The following LGALS1 variants were observed in gnomAD, a reference collection of about 807,000 sequenced individuals.
LGALS1 encodes the protein galectin-1.
In LGALS1, 14 loss-of-function variants were observed where a neutral mutation model predicts 14.4. The ratio of observed to expected loss-of-function variants is 0.97; its 90% CI spans 0.64 to 1.52. LGALS1 has a LOEUF of 1.52. Among genes scored for constraint, LGALS1 ranks in the 40% most tolerant of loss-of-function variants. LGALS1 has a pLI of 0.00. For synonymous variants in LGALS1, 71 were observed against 73.4 expected (o/e 0.97, Z 0.17); for missense variants, 170 against 181.4 (o/e 0.94, Z 0.36).
chr22:37,676,916 C>T (rs763528203), intron 1 of LGALS1, 70 bp from the exon 2 acceptor site: 1 of 1,543,930 alleles, frequency 6.5e-7, no homozygotes, highest in Admixed American at 1.7e-5. Flanking sequence ...CACCCCCAGC[C>T]ACCCCCGGAC....
At chr22:37,678,695 G>A in intron 3 of LGALS1, 41 bp downstream of exon 3, 1 of 1,475,782 alleles carries the variant, frequency 6.8e-7, no homozygotes, top group Non-Finnish European at 9.1e-7. Flanking sequence ...GACAGGGGCT[G>A]GGTGGGCTGG....
intron 2 of LGALS1, among the ~76,000 whole-genome samples, chr22:37,678,039 G>T (rs570510197): frequency 1.8e-4 from 27 of 152,188 alleles, no homozygotes; most frequent in Admixed American, 1.6e-3. Flanking sequence ...CGCTCGCCTC[G>T]GCCTCCCAAA....
In LGALS1 at chr22:37,678,620, CTG is replaced by C; in HGVS notation, c.229_230del (p.Val77LeufsTer47). On this transcript the variant is annotated frameshift_variant, in exon 3 of 4. Coordinates refer to ENST00000215909, the MANE Select transcript of LGALS1 (RefSeq NM_002305.4). LOFTEE classifies it high-confidence loss of function. ...GCCTGGGGGACCGAGCAGCGGGAGG[CTG>C]TCTTTCCCTTCCAGCCTGGAAGTGT... 6 of 1,444,998 alleles carry C rather than the reference CTG, an allele frequency of 4.2e-6. No individual in the cohort carries two copies. The highest frequency in any genetic ancestry group is 5.6e-6 in the Non-Finnish European group (6 of 1,073,086). The allele number at this position is 1,444,998 out of a possible 1,614,324, so 89.5% of individuals were successfully genotyped here.
In LGALS1 at chr22:37,675,732, C is replaced by A. The variant is rs201722376; in HGVS notation, c.9+21C>A. On this transcript the variant is annotated intron_variant, in intron 1 of 3. Transcript: ENST00000215909. ...CTTGTGTGAGTGTGGGGACCCCCCCCCAAGGTCCAGGGGATAGGGCAGGAA... is the reference window on the plus strand; with the variant it reads ...CTTGTGTGAGTGTGGGGACCCCCCCACAAGGTCCAGGGGATAGGGCAGGAA... 171 of 1,538,688 alleles carry A rather than the reference C, an allele frequency of 1.1e-4. 2 individuals are homozygous for A. The highest frequency in any genetic ancestry group is 2.0e-4 in the Admixed American group (10 of 49,738).
In LGALS1 at chr22:37,675,636, A is replaced by ATC; in HGVS notation, c.-60_-59dup. The ATC allele has an allele frequency of 6.5e-7, 1 of 1,534,350 alleles. No individual in the cohort carries two copies. Among genetic ancestry groups the ATC allele is most frequent in the Non-Finnish European group, 8.8e-7 (1 of 1,136,448 alleles). ...AAAGGGTGGGAGCGTCCGGGGGCCC[A>ATC]TCTCTCTCGGGTGGAGTCTTCTGAC... On this transcript the variant is annotated 5_prime_UTR_variant, in exon 1 of 4. Coordinates refer to ENST00000215909, the MANE Select transcript of LGALS1 (RefSeq NM_002305.4).
chr22:37,676,909 C>CCCCA, intron 1 of LGALS1, 77 bp from the exon 2 acceptor site: 1 of 1,504,712 alleles, frequency 6.6e-7, no homozygotes, highest in Non-Finnish European at 9.2e-7. Flanking sequence ...CCACTCCCAC[C>CCCCA]CCCAGCCACC....
intron 3 of LGALS1, 25 bp downstream of exon 3, chr22:37,678,679 A>T (rs776897879): frequency 1.1e-5 from 5 of 469,550 alleles, no homozygotes; most frequent in Non-Finnish European, 2.0e-5. Flanking sequence ...GGAACCGGGG[A>T]CCAGGGACAG....
chr22:37,679,596 C>T lies in LGALS1; in HGVS notation c.262-7C>T. The T allele has an allele frequency of 6.3e-7, 1 of 1,599,682 alleles. No homozygotes were observed. Among genetic ancestry groups the T allele is most frequent in the Non-Finnish European group, 8.5e-7 (1 of 1,173,822 alleles). The stretch of plus-strand genomic sequence containing the variant: ...GGGCCCGGCTCACTGCTCTCCTCTA[C>T]CCCCAGGTGTGCATCACCTTCGACC... On this transcript the variant is annotated splice_polypyrimidine_tract_variant and splice_region_variant and intron_variant, in intron 3 of 3. Transcript: ENST00000215909.
At chr22:37,676,838 G>A (rs1169205574) in intron 1 of LGALS1, 148 bp from the exon 2 acceptor site, 1 of 793,808 alleles carries the variant, frequency 1.3e-6, no homozygotes, top group Non-Finnish European at 2.2e-6. Context: ...GGAAATTACA[G>A]CTCAATCCTT....
chr22:37,678,753 C>T, intron 3 of LGALS1, 99 bp downstream of exon 3: 1 of 1,223,790 alleles, frequency 8.2e-7, no homozygotes, highest in South Asian at 1.5e-5. Context: ...CCTGCTCTTT[C>T]CCCTCCCCTT....
intron 2 of LGALS1, 126 bp from the exon 3 acceptor site, chr22:37,678,357 G>T: frequency 9.7e-7 from 1 of 1,036,020 alleles, no homozygotes; most frequent in Non-Finnish European, 1.5e-6. Context: ...CTAGAATCCA[G>T]GTTTCTTGTC....
At chr22:37,679,446 C>A (rs149970912) in intron 3 of LGALS1, among the ~76,000 whole-genome samples, 157 bp from the exon 4 acceptor site, 358 of 151,476 alleles carry the variant, frequency 2.4e-3, no homozygotes, top group African/African-American at 8.3e-3. Flanking sequence ...AAAAAAAAAT[C>A]TATCATAGGA....
Position 37,677,020 on chromosome 22 carries a change from G to A in LGALS1, c.44G>A (p.Gly15Glu). The change falls in exon 2 of 4, where the codon GGA (glycine) becomes GAA (glutamate). Residue 15 changes from glycine (G) to glutamate (E), a missense_variant. Coordinates refer to ENST00000215909, the MANE Select transcript of LGALS1 (RefSeq NM_002305.4). ...GCCAGCAACCTGAATCTCAAACCTG[G>A]AGAGTGCCTTCGAGTGCGAGGCGAG... is the stretch of plus-strand genomic sequence containing the variant. ...LVASNLNLKP[G>E]ECLRVRGEVA... The A allele has an allele frequency of 1.2e-6, 2 of 1,614,114 alleles. No homozygotes were observed. Among genetic ancestry groups the A allele is most frequent in the Non-Finnish European group, 1.7e-6 (2 of 1,180,020 alleles).
intron 2 of LGALS1, 89 bp downstream of exon 2, chr22:37,677,154 G>A (rs994795865): frequency 3.1e-6 from 4 of 1,296,190 alleles, no homozygotes; most frequent in South Asian, 1.3e-5. Flanking sequence ...TCTCCTCCCT[G>A]GCCGGGAGCG....
Position 37,678,472 on chromosome 22 carries a change from T to C in LGALS1, c.90-11T>C. On this transcript the variant is annotated splice_polypyrimidine_tract_variant and intron_variant, in intron 2 of 3. Coordinates refer to ENST00000215909, the MANE Select transcript of LGALS1 (RefSeq NM_002305.4). ...GCCGAGGTGGCCTCATGCCCACCCG[T>C]TACCCCCCAGCTTCGTGCTGAACCT... 2 of 1,613,344 alleles carry C rather than the reference T, an allele frequency of 1.2e-6. No homozygotes were observed. Among genetic ancestry groups the C allele is most frequent in the Non-Finnish European group, 1.7e-6 (2 of 1,179,972 alleles).
Position 37,677,070 on chromosome 22 carries a change from G to C in LGALS1, c.89+5G>C, listed in dbSNP as rs751713527. 6.2e-7 allele frequency: 1 copy of C among 1,613,708 alleles called. No homozygotes were observed. The highest frequency in any genetic ancestry group is 8.5e-7 in the Non-Finnish European group (1 of 1,179,848). ...GGTGGCTCCTGACGCTAAGAGGTGA[G>C]AAGTGAAGTCGGGGTGGTGGGCGGC... On this transcript the variant is annotated splice_donor_5th_base_variant and intron_variant, in intron 2 of 3. Coordinates refer to ENST00000215909, the MANE Select transcript of LGALS1 (RefSeq NM_002305.4).
Position 37,678,535 on chromosome 22 carries a change from C to T in LGALS1, c.142C>T (p.Pro48Ser). ...CAACAACCTGTGCCTGCACTTCAAC[C>T]CTCGCTTCAACGCCCACGGCGACGC... ...DSNNLCLHFN[P>S]RFNAHGDANT... The change falls in exon 3 of 4, where the codon CCT becomes TCT. Residue 48 changes from proline (P) to serine (S), a missense_variant. Transcript: ENST00000215909. 1 of 1,613,658 alleles carries T rather than the reference C, an allele frequency of 6.2e-7. No homozygotes were observed. The highest frequency in any genetic ancestry group is 1.7e-5 in the Admixed American group (1 of 60,026).
Position 37,679,767 on chromosome 22 carries a change from C to T in LGALS1, c.*18C>T, listed in dbSNP as rs1921573583. ...TTGACTGAAATCAGCCAGCCCATGGCCCCCAATAAAGGCAGCTGCCTCTGC... is the reference window on the plus strand; with the variant it reads ...TTGACTGAAATCAGCCAGCCCATGGTCCCCAATAAAGGCAGCTGCCTCTGC... On this transcript the variant is annotated 3_prime_UTR_variant, in exon 4 of 4. Transcript: ENST00000215909. 3.2e-6 allele frequency: 5 copies of T among 1,570,314 alleles called. No homozygotes were observed. In the African/African-American group the frequency reaches 6.8e-5, roughly 21 times the overall value.
rs1482317143 is a variant in LGALS1, at chr22:37,678,619, G to C, written c.226G>C (p.Ala76Pro). The change falls in exon 3 of 4, where the codon GCT (alanine) becomes CCT (proline). Residue 76 changes from alanine (A) to proline (P), a missense_variant. Coordinates refer to ENST00000215909, the MANE Select transcript of LGALS1 (RefSeq NM_002305.4). The stretch of plus-strand genomic sequence containing the variant: ...GGCCTGGGGGACCGAGCAGCGGGAG[G>C]CTGTCTTTCCCTTCCAGCCTGGAAG... ...GGAWGTEQRE[A>P]VFPFQPGSVA... 4.4e-6 allele frequency: 7 copies of C among 1,605,542 alleles called. No individual in the cohort carries two copies. The East Asian group carries it at 1.6e-4, about 36-fold the overall frequency.
Sources: allele counts gnomAD v4.1 joint callset (sites outside exome capture counted in the v4.1 genomes callset), GRCh38; gene constraint gnomAD v4.1.1; transcripts MANE v1.5; gene names NCBI Gene and HGNC (gene_info 2026-07-23, HGNC 2026-07-21).